The following CR1L variants were observed in gnomAD, a reference collection of about 807,000 sequenced individuals.
The protein encoded by CR1L is complement component receptor 1-like protein.
A neutral mutation model predicts 62.3 loss-of-function variants in CR1L; 59 were observed. That is an observed-to-expected ratio of 0.95 (90% CI 0.77 to 1.18). CR1L has a LOEUF of 1.18. Ranked by LOEUF, CR1L falls within the 50% of genes most tolerant of loss-of-function variation. The pLI is 0.00. For synonymous variants in CR1L, 279 were observed against 248.7 expected, an observed-to-expected ratio of 1.12 and a Z score of -1.15; for missense variants, 700 against 702.8, an observed-to-expected ratio of 1.00 and a Z score of 0.04.
intron 10 of CR1L, among the ~76,000 whole-genome samples, chr1:207,714,372 C>T (rs191027056): frequency 2.6e-4 from 40 of 152,280 alleles, no homozygotes; most frequent in Non-Finnish European, 4.9e-4. Context: ...GAGTGGGGAT[C>T]AATCAGAGGA....
At chr1:207,657,816 G>A (rs1468380644) in intron 1 of CR1L, among the ~76,000 whole-genome samples, 3 of 152,148 alleles carry the variant, frequency 2.0e-5, no homozygotes, top group African/African-American at 7.2e-5. Context: ...AGAAATCACA[G>A]AATAACAGTG....
chr1:207,657,100 T>G, intron 1 of CR1L: 1 of 664,274 alleles, frequency 1.5e-6, no homozygotes, highest in Non-Finnish European at 2.7e-6. Context: ...TACATTTCTT[T>G]CCTCTTTTTC....
chr1:207,713,588 G>C (rs1373991722), intron 10 of CR1L, among the ~76,000 whole-genome samples: 3 of 152,226 alleles, frequency 2.0e-5, no homozygotes, highest in Non-Finnish European at 1.5e-5. Context: ...TGGCTGCCGC[G>C]ACTACATGCT....
At chr1:207,711,320 A>C (rs1290356654) in intron 10 of CR1L, 1 of 170,426 alleles carries the variant, frequency 5.9e-6, no homozygotes, top group African/African-American at 2.4e-5. Flanking sequence ...CTGAGCTGGG[A>C]AGACAAACAG....
intron 1 of CR1L, among the ~76,000 whole-genome samples, chr1:207,655,965 G>A (rs1663303638): frequency 6.6e-6 from 1 of 152,152 alleles, no homozygotes; most frequent in East Asian, 1.9e-4. Context: ...TCTGCCCGGC[G>A]CAGTGGCTCA....
intron 1 of CR1L, among the ~76,000 whole-genome samples, chr1:207,647,425 T>C (rs1052299142): frequency 6.6e-6 from 1 of 152,186 alleles, no homozygotes. Flanking sequence ...CCAACTCAGG[T>C]TGAACACATA....
chr1:207,697,962 A>T, intron 7 of CR1L, 89 bp downstream of exon 7: 1 of 1,366,324 alleles, frequency 7.3e-7, no homozygotes, highest in East Asian at 2.3e-5. Context: ...GCTTAAAAAA[A>T]GACAGACAGA....
intron 1 of CR1L, among the ~76,000 whole-genome samples, chr1:207,645,682 C>G (rs112328348): frequency 6.6e-6 from 1 of 152,150 alleles, no homozygotes; most frequent in East Asian, 1.9e-4. Flanking sequence ...TGCACAGGTG[C>G]GTGGGATTGT....
At chr1:207,649,093 G>C (rs182371876) in intron 1 of CR1L, among the ~76,000 whole-genome samples, 125 of 152,276 alleles carry the variant, frequency 8.2e-4, no homozygotes, top group Admixed American at 2.5e-3. Flanking sequence ...ATCCATGCAG[G>C]GGAGAGTCCA....
intron 1 of CR1L, among the ~76,000 whole-genome samples, chr1:207,663,586 A>C (rs4427403): frequency 0.47 from 72,027 of 152,070 alleles, 17,597 homozygotes; most frequent in African/African-American, 0.59. Context: ...ACCCCTTGTG[A>C]TTCCCAGGTG....
chr1:207,708,383 T>A (rs894212034), intron 10 of CR1L, 120 bp downstream of exon 10: 102 of 1,279,114 alleles, frequency 8.0e-5, no homozygotes, highest in Non-Finnish European at 1.1e-4. Context: ...ATTTGAAGAA[T>A]CCAGTCATAT....
intron 10 of CR1L, chr1:207,710,699 G>A (rs1664341479): frequency 6.2e-7 from 1 of 1,610,168 alleles, no homozygotes; most frequent in Non-Finnish European, 8.5e-7. Flanking sequence ...GTGTCAGCCT[G>A]GCTTTGTCAT....
At chr1:207,672,742 G>T (rs1195163390) in intron 1 of CR1L, among the ~76,000 whole-genome samples, 1 of 152,136 alleles carries the variant, frequency 6.6e-6, no homozygotes, top group African/African-American at 2.4e-5. Flanking sequence ...TGGTCCTCAT[G>T]TAGGATCTGA....
At chr1:207,652,327 T>C (rs1392507203) in intron 1 of CR1L, among the ~76,000 whole-genome samples, 2 of 152,250 alleles carry the variant, frequency 1.3e-5, no homozygotes, top group Non-Finnish European at 2.9e-5. Context: ...CGAATGTTTA[T>C]TCCCAAACAA....
intron 10 of CR1L, among the ~76,000 whole-genome samples, chr1:207,714,622 TA>T (rs1213985629): frequency 6.6e-6 from 1 of 152,162 alleles, no homozygotes; most frequent in Non-Finnish European, 1.5e-5. Flanking sequence ...ATTGAGCAAT[TA>T]AGGAGTTATT....
rs71154832 is a variant in CR1L, at chr1:207,648,174, A to AACACACAC, written c.97+2868_97+2875dup. Among the ~76,000 whole-genome samples the AACACACAC allele has an allele frequency of 6.3e-3, 795 of 125,340 alleles. 8 individuals are homozygous for AACACACAC. The highest frequency in any genetic ancestry group is 0.028 in the Middle Eastern group (7 of 254). The allele number at this position is 125,340 out of a possible 152,430, so 82.2% of individuals were successfully genotyped here. On this transcript the variant is annotated intron_variant, in intron 1 of 11. Coordinates refer to ENST00000508064, the MANE Select transcript of CR1L (RefSeq NM_175710.2). ...GGTGACAGAGTGAGACCCGGTCTCA[A>AACACACAC]ACACACACACACACACACACACACA...
intron 1 of CR1L, among the ~76,000 whole-genome samples, chr1:207,674,452 G>T (rs1663658605): frequency 6.6e-6 from 1 of 152,154 alleles, no homozygotes; most frequent in Non-Finnish European, 1.5e-5. Flanking sequence ...CAAATTGAGG[G>T]ATTGGTAATA....
At chr1:207,700,897 C>A (rs1664179778) in intron 8 of CR1L, among the ~76,000 whole-genome samples, 1 of 152,210 alleles carries the variant, frequency 6.6e-6, no homozygotes, top group Admixed American at 6.5e-5. Context: ...TTTGCTACTT[C>A]ATTAAAGTTG....
intron 1 of CR1L, among the ~76,000 whole-genome samples, chr1:207,672,950 G>A (rs1663636281): frequency 6.6e-6 from 1 of 152,178 alleles, no homozygotes; most frequent in Admixed American, 6.5e-5. Flanking sequence ...AATACTGGGT[G>A]AAGATCACTT....
Sources: gnomAD v4.1 joint callset for allele counts (sites outside exome capture counted in the v4.1 genomes callset) on GRCh38, gnomAD v4.1.1 for gene constraint, MANE v1.5 for transcripts, NCBI Gene and HGNC (gene_info 2026-07-23, HGNC 2026-07-21) for gene names.